The following ALK variants were observed in gnomAD, a reference collection of about 807,000 sequenced individuals.
ALK encodes the protein ALK tyrosine kinase receptor.
Under a neutral mutation model 163.1 loss-of-function variants are expected in ALK, and 74 were observed. The ratio of observed to expected loss-of-function variants is 0.45; its 90% CI spans 0.38 to 0.55. The LOEUF (loss-of-function observed/expected upper bound fraction) is 0.55, where lower values mean the gene tolerates loss of function less well. ALK is among the 20% of genes least tolerant of loss of function. The probability of loss-of-function intolerance (pLI) is 0.00; values close to 1 mark genes in which losing one functional copy is unlikely to be tolerated. For synonymous variants in ALK, 960 were observed against 843.2 expected (o/e 1.14, Z -2.40); for missense variants, 2,063 against 2,105.3 (o/e 0.98, Z 0.39).
chr2:29,789,828 G>A (rs1664141704), intron 1 of ALK, among the ~76,000 whole-genome samples: 1 of 152,184 alleles, frequency 6.6e-6, no homozygotes, highest in East Asian at 1.9e-4. Context: ...TTATTTTTAA[G>A]CTTCCCAGGT....
At chr2:29,624,810 T>A (rs947809456) in intron 3 of ALK, among the ~76,000 whole-genome samples, 3 of 152,194 alleles carry the variant, frequency 2.0e-5, no homozygotes. Context: ...CCTCTGCAAT[T>A]CCCAAATCCC....
Position 29,729,969 on chromosome 2 carries a change from C to T in ALK, c.668-12272G>A, listed in dbSNP as rs75854704. On this transcript the variant is annotated intron_variant, in intron 1 of 28. Transcript: ENST00000389048. ...GACAGCACTTGGCTGAAAAGTATAT[C>T]GAGGAGAAGGGAAGGAGAGAGTTCC... is the stretch of plus-strand genomic sequence containing the variant. Among the ~76,000 whole-genome samples the T allele has an allele frequency of 8.9e-3, 1,361 of 152,186 alleles. 21 individuals carry two copies. The highest frequency in any genetic ancestry group is 0.03 in the African/African-American group (1,265 of 41,502).
chr2:29,329,537 A>G (rs1282819991), intron 5 of ALK, among the ~76,000 whole-genome samples: 2 of 152,206 alleles, frequency 1.3e-5, no homozygotes, highest in Admixed American at 1.3e-4. Flanking sequence ...TCCTGGTCAT[A>G]GCTGGTGCTA....
At chr2:29,275,064 G>C in intron 11 of ALK, 35 bp downstream of exon 11, 1 of 1,613,786 alleles carries the variant, frequency 6.2e-7, no homozygotes, top group Non-Finnish European at 8.5e-7. Flanking sequence ...GCAACAAGAA[G>C]TTACTGTGCT....
intron 3 of ALK, among the ~76,000 whole-genome samples, chr2:29,615,823 G>A (rs183032397): frequency 6.6e-6 from 1 of 152,340 alleles, no homozygotes; most frequent in East Asian, 1.9e-4. Context: ...TTAATAGGAG[G>A]CTTCAAATAG....
intron 5 of ALK, among the ~76,000 whole-genome samples, chr2:29,338,845 C>G (rs1267534603): frequency 1.3e-5 from 2 of 152,208 alleles, no homozygotes; most frequent in African/African-American, 4.8e-5. Flanking sequence ...AGGAATTACT[C>G]ATTCCTTTGG....
chr2:29,647,569 C>T (rs1676913965), intron 3 of ALK, among the ~76,000 whole-genome samples: 1 of 152,110 alleles, frequency 6.6e-6, no homozygotes, highest in African/African-American at 2.4e-5. Context: ...ATTTGAAGCT[C>T]TCTCTTTCAT....
At chr2:29,226,245 G>A (rs900427274) in intron 18 of ALK, among the ~76,000 whole-genome samples, 37 of 152,132 alleles carry the variant, frequency 2.4e-4, no homozygotes, top group Non-Finnish European at 5.0e-4. Context: ...TTGGGAGGCC[G>A]AGGCGGGTGA....
intron 20 of ALK, among the ~76,000 whole-genome samples, chr2:29,223,009 C>A (rs1194557259): frequency 6.6e-6 from 1 of 152,102 alleles, no homozygotes; most frequent in Non-Finnish European, 1.5e-5. Context: ...GAGGAAGGCG[C>A]AGTTGCTCTA....
intron 4 of ALK, among the ~76,000 whole-genome samples, chr2:29,424,024 A>G (rs1310923028): frequency 6.6e-6 from 1 of 152,192 alleles, no homozygotes; most frequent in Non-Finnish European, 1.5e-5. Context: ...TGTATCGCAC[A>G]TAAATATGTA....
intron 4 of ALK, among the ~76,000 whole-genome samples, chr2:29,514,173 T>A: frequency 6.9e-6 from 1 of 145,176 alleles, no homozygotes. Context: ...GGACTATAAA[T>A]CATGCTGCTA....
chr2:29,279,049 C>T lies in ALK; in HGVS notation c.1818-3553G>A, dbSNP rs183009028. Among the ~76,000 whole-genome samples the T allele has an allele frequency of 5.1e-3, 781 of 152,222 alleles. 8 individuals carry two copies. The highest frequency in any genetic ancestry group is 0.018 in the African/African-American group (736 of 41,530). On this transcript the variant is annotated intron_variant, in intron 9 of 28. Transcript: ENST00000389048. ...CTGGGAAGCTGCATGTCTCCCTGCC[C>T]CTCTCTGTGCCTTCCTTCCTTATTA...
chr2:29,529,712 C>T (rs1247577312), intron 4 of ALK, among the ~76,000 whole-genome samples: 1 of 152,266 alleles, frequency 6.6e-6, no homozygotes, highest in African/African-American at 2.4e-5. Flanking sequence ...CTTCTACCCT[C>T]ACCACACAGA....
rs1665939437 is a variant in ALK at position 29,288,960 on chromosome 2, AAATAAAT to A, written c.1817+7921_1817+7927del. On this transcript the variant is annotated intron_variant, in intron 9 of 28. Coordinates refer to ENST00000389048, the MANE Select transcript of ALK (RefSeq NM_004304.5). The stretch of plus-strand genomic sequence containing the variant: ...GAGGGAGACTCCTTCTCAAAAAAAT[AAATAAAT>A]AAATAAATAAATAAATAAATAAATA... Among the ~76,000 whole-genome samples, 5 of 12,602 alleles carry A rather than the reference AAATAAAT, an allele frequency of 4.0e-4. No homozygotes were observed. The Admixed American group carries it at 4.3e-3, about 11-fold the overall frequency. The allele number at this position is 12,602 out of a possible 152,430, so 8.3% of individuals were successfully genotyped here.
At chr2:29,892,709 C>A (rs1667175954) in intron 1 of ALK, among the ~76,000 whole-genome samples, 1 of 152,180 alleles carries the variant, frequency 6.6e-6, no homozygotes, top group South Asian at 2.1e-4. Context: ...CACGCTAGAG[C>A]CCAGACTGTC....
intron 3 of ALK, among the ~76,000 whole-genome samples, chr2:29,598,510 T>C (rs1290175816): frequency 5.3e-5 from 8 of 152,154 alleles, no homozygotes; most frequent in East Asian, 3.8e-4. Flanking sequence ...AGGGACATCA[T>C]GAAAGCTCAT....
intron 4 of ALK, among the ~76,000 whole-genome samples, chr2:29,522,572 A>G (rs1256942601): frequency 6.6e-6 from 1 of 152,006 alleles, no homozygotes; most frequent in Non-Finnish European, 1.5e-5. Flanking sequence ...GTAGGGAGAG[A>G]CAAGCTGGTA....
intron 9 of ALK, among the ~76,000 whole-genome samples, chr2:29,286,173 C>A (rs914368507): frequency 6.6e-6 from 1 of 152,164 alleles, no homozygotes; most frequent in African/African-American, 2.4e-5. Flanking sequence ...CCTGCTGAAC[C>A]CTGGTCATGA....
chr2:29,662,745 G>A (rs866745973), intron 3 of ALK, among the ~76,000 whole-genome samples: 5 of 151,892 alleles, frequency 3.3e-5, no homozygotes, highest in East Asian at 1.9e-4. Context: ...GCGTAAATAT[G>A]GACATCTGTG....
Sources: allele counts gnomAD v4.1 joint callset (sites outside exome capture counted in the v4.1 genomes callset), GRCh38; gene constraint gnomAD v4.1.1; transcripts MANE v1.5; gene names NCBI Gene and HGNC (gene_info 2026-07-23, HGNC 2026-07-21).